Variants in ARHGEF38 observed in about 807,000 individuals in gnomAD.
The protein encoded by ARHGEF38 is Rho guanine nucleotide exchange factor 38.
Under a neutral mutation model 79.9 loss-of-function variants are expected in ARHGEF38, and 79 were observed. The observed-to-expected ratio is 0.99, with a 90% confidence interval of 0.82 to 1.19. The LOEUF is 1.19. Among genes scored for constraint, ARHGEF38 ranks in the 50% most tolerant of loss-of-function variants. ARHGEF38 has a pLI of 0.00. For synonymous variants in ARHGEF38, 366 were observed against 328.3 expected (o/e 1.11, Z -1.24); for missense variants, 962 against 907.2 (o/e 1.06, Z -0.78).
chr4:105,662,384 A>T (rs959188887), intron 10 of ARHGEF38, among the ~76,000 whole-genome samples: 1 of 151,868 alleles, frequency 6.6e-6, no homozygotes, highest in Non-Finnish European at 1.5e-5. Flanking sequence ...ATTTTTTTTC[A>T]TGCTAATGTT....
chr4:105,561,392 G>C lies in ARHGEF38; in HGVS notation c.196+8431G>C, dbSNP rs1159808338. On this transcript the variant is annotated intron_variant, in intron 1 of 13. Coordinates refer to ENST00000420470, the MANE Select transcript of ARHGEF38 (RefSeq NM_001242729.2). ...ACTCCAGCCTGGAGTCTCAAAAATA[G>C]AGTAGAATAATAGAATAGAATAGAA... Among the ~76,000 whole-genome samples, 4 of 11,800 alleles carry C rather than the reference G, an allele frequency of 3.4e-4. 1 individual carries two copies. Among genetic ancestry groups the C allele is most frequent in the Non-Finnish European group, 8.6e-4 (3 of 3,478 alleles). 7.7% of individuals were successfully genotyped at this position (11,800 alleles called of 152,430 possible). A position where few individuals can be genotyped will look rare whatever the true frequency, so the allele number is the denominator to read the frequency against.
In ARHGEF38 at chr4:105,659,086, C is replaced by A. The variant is rs752978902; in HGVS notation, c.1266C>A (p.Pro422=). Residue 422 remains proline (P), a synonymous_variant, in exon 10 of 14, where the codon CCC becomes CCA. Coordinates refer to ENST00000420470, the MANE Select transcript of ARHGEF38 (RefSeq NM_001242729.2). ...ACTTACAGAGACTCATCCTGACCCC[C>A]TTGTCAGCCCTGCTGTCCTTATTCC... ...ASHLQRLILT[P]LSALLSLFPG... 3 of 1,536,076 alleles carry A rather than the reference C, an allele frequency of 2.0e-6. No individual in the cohort carries two copies. The South Asian group carries it at 3.6e-5, about 18-fold the overall frequency.
At chr4:105,675,330 A>T (rs1018936600) in intron 13 of ARHGEF38, among the ~76,000 whole-genome samples, 23 of 152,200 alleles carry the variant, frequency 1.5e-4, no homozygotes, top group Non-Finnish European at 1.5e-4. Context: ...TGTTGAGGAC[A>T]AAGCACATTT....
At chr4:105,653,488 A>G (rs1730193279) in intron 7 of ARHGEF38, among the ~76,000 whole-genome samples, 1 of 152,016 alleles carries the variant, frequency 6.6e-6, no homozygotes, top group Admixed American at 6.6e-5. Flanking sequence ...AGGCCTGGCT[A>G]CTTTATGTAT....
chr4:105,574,996 A>C (rs1726422151), intron 1 of ARHGEF38, among the ~76,000 whole-genome samples: 1 of 81,772 alleles, frequency 1.2e-5, no homozygotes, highest in African/African-American at 3.4e-5. Flanking sequence ...ATATGTACAC[A>C]CATACACACA....
chr4:105,667,403 C>T, intron 12 of ARHGEF38, 41 bp from the exon 13 acceptor site: 2 of 1,534,276 alleles, frequency 1.3e-6, no homozygotes, highest in Non-Finnish European at 1.7e-6. Flanking sequence ...GAAGAGTATA[C>T]CCATGAACTT....
intron 10 of ARHGEF38, among the ~76,000 whole-genome samples, chr4:105,659,805 C>T (rs1330472374): frequency 6.7e-6 from 1 of 149,686 alleles, no homozygotes; most frequent in East Asian, 2.0e-4. Context: ...TCAAACCATG[C>T]TTTGTTTTGA....
intron 1 of ARHGEF38, among the ~76,000 whole-genome samples, chr4:105,566,707 T>G (rs1725930186): frequency 6.6e-6 from 1 of 151,374 alleles, no homozygotes; most frequent in Non-Finnish European, 1.5e-5. Flanking sequence ...CCCCCTTTCC[T>G]CCACTACATC....
Position 105,573,223 on chromosome 4 carries a change from A to G in ARHGEF38, c.197-16025A>G, listed in dbSNP as rs77122637. 3.8e-4 allele frequency among the ~76,000 whole-genome samples: 58 copies of G among 152,286 alleles called. 1 individual carries two copies. The East Asian group carries it at 0.011, about 29-fold the overall frequency. On this transcript the variant is annotated intron_variant, in intron 1 of 13. Transcript: ENST00000420470. ...TTGTTGATAGTGTCTTCTGATGCAC[A>G]AACTTTAAAATTTTCATAAGTCCAA...
intron 7 of ARHGEF38, among the ~76,000 whole-genome samples, chr4:105,652,732 A>G (rs1245006588): frequency 6.6e-6 from 1 of 150,624 alleles, no homozygotes; most frequent in Non-Finnish European, 1.5e-5. Context: ...TTAAAAAAAA[A>G]TCTGCCCCAG....
intron 3 of ARHGEF38, among the ~76,000 whole-genome samples, chr4:105,625,982 G>A (rs544243115): frequency 5.9e-5 from 9 of 151,824 alleles, no homozygotes; most frequent in Admixed American, 2.0e-4. Context: ...CCACCATCTG[G>A]TCCTCAGGCA....
rs961123672 is a variant in ARHGEF38, at chr4:105,573,646, C to T, written c.197-15602C>T. On this transcript the variant is annotated intron_variant, in intron 1 of 13. Coordinates refer to ENST00000420470, the MANE Select transcript of ARHGEF38 (RefSeq NM_001242729.2). Reference sequence around the variant, plus strand: ...AACTTTGTAGTAAGTTTTGAAATCACGAAGCATGAGTTCCTCCAGCTTTAT... The same window carrying T: ...AACTTTGTAGTAAGTTTTGAAATCATGAAGCATGAGTTCCTCCAGCTTTAT... Among the ~76,000 whole-genome samples the T allele has an allele frequency of 5.9e-5, 9 of 152,018 alleles. No individual in the cohort carries two copies. The East Asian group carries it at 1.5e-3, about 26-fold the overall frequency.
intron 13 of ARHGEF38, among the ~76,000 whole-genome samples, chr4:105,668,002 T>C (rs915187653): frequency 6.6e-6 from 1 of 152,160 alleles, no homozygotes; most frequent in Admixed American, 6.5e-5. Context: ...CAGCAAAGTA[T>C]CTTTTTATAC....
chr4:105,630,297 G>C (rs1039984681), intron 3 of ARHGEF38, among the ~76,000 whole-genome samples: 2 of 151,054 alleles, frequency 1.3e-5, no homozygotes, highest in African/African-American at 2.4e-5. Flanking sequence ...ACCCAGGCTG[G>C]AGTGCAGTGG....
At chr4:105,665,439 G>A (rs186209108) in intron 10 of ARHGEF38, among the ~76,000 whole-genome samples, 1 of 152,038 alleles carries the variant, frequency 6.6e-6, no homozygotes, top group East Asian at 1.9e-4. Flanking sequence ...GGAGGTTGCA[G>A]TGAGCCAAAA....
chr4:105,556,276 T>C (rs1725246911), intron 1 of ARHGEF38, among the ~76,000 whole-genome samples: 1 of 152,178 alleles, frequency 6.6e-6, no homozygotes, highest in South Asian at 2.1e-4. Context: ...AAACAGAATA[T>C]GTGCCAGGAA....
chr4:105,559,168 A>G (rs1725395997), intron 1 of ARHGEF38, among the ~76,000 whole-genome samples: 1 of 152,206 alleles, frequency 6.6e-6, no homozygotes, highest in Admixed American at 6.6e-5. Flanking sequence ...AAGAGTTGCT[A>G]AATTTATAAG....
At chr4:105,607,760 G>A (rs1728113747) in intron 2 of ARHGEF38, among the ~76,000 whole-genome samples, 1 of 152,002 alleles carries the variant, frequency 6.6e-6, no homozygotes, top group South Asian at 2.1e-4. Context: ...CAGAAATCAA[G>A]TTCAAACTAG....
intron 1 of ARHGEF38, among the ~76,000 whole-genome samples, chr4:105,566,865 T>C (rs888082748): frequency 2.0e-5 from 3 of 151,992 alleles, no homozygotes; most frequent in Non-Finnish European, 2.9e-5. Context: ...GCGATTCTCC[T>C]GCCTCAGCCT....
Sources: allele counts gnomAD v4.1 joint callset (sites outside exome capture counted in the v4.1 genomes callset), GRCh38; gene constraint gnomAD v4.1.1; transcripts MANE v1.5; gene names NCBI Gene and HGNC (gene_info 2026-07-23, HGNC 2026-07-21).